The following ABCB6 variants were observed in gnomAD, a reference collection of about 807,000 sequenced individuals.
The protein encoded by ABCB6 is ATP-binding cassette sub-family B member 6.
In ABCB6, 87 loss-of-function variants were observed where a neutral mutation model predicts 99.4. That is an observed-to-expected ratio of 0.88 (90% confidence interval 0.74 to 1.05). ABCB6 has a LOEUF of 1.05. Ranked by LOEUF, ABCB6 falls within the 50% of genes least tolerant of loss-of-function variation. The pLI, the probability that ABCB6 is intolerant of heterozygous loss-of-function variation, is 0.00. For synonymous variants in ABCB6, 482 were observed against 447.5 expected, an observed-to-expected ratio of 1.08 and a Z score of -0.97; for missense variants, 1,050 against 1,097.9, an observed-to-expected ratio of 0.96 and a Z score of 0.62.
At chr2:219,214,039 ACACTCGACTAT>A (rs1000591910) in intron 8 of ABCB6, 71 bp downstream of exon 8, 1 of 1,612,170 alleles carries the variant, frequency 6.2e-7, no homozygotes, top group African/African-American at 1.3e-5. Flanking sequence ...TTCTACCCCA[ACACTCGACTAT>A]CACTCTTGGC....
rs1482973976 is a variant in ABCB6, at chr2:219,214,379, CCT to C, written c.1386+8_1386+9del. 3.1e-6 allele frequency: 5 copies of C among 1,610,014 alleles called. No individual in the cohort carries two copies. In the African/African-American group the frequency reaches 4.0e-5, roughly 13 times the overall value. On this transcript the variant is annotated splice_region_variant and intron_variant, in intron 7 of 18. Coordinates refer to ENST00000265316, the MANE Select transcript of ABCB6 (RefSeq NM_005689.4). The stretch of plus-strand genomic sequence containing the variant: ...ACGCCTCACACCACTGCCACCGGGC[CCT>C]CTGTTACCGTCTCGAAGTTTAGCAG...
Position 219,213,652 on chromosome 2 carries a change from C to G in ABCB6, c.1593G>C (p.Val531=), listed in dbSNP as rs1489043612. Residue 531 remains valine, a synonymous_variant, in exon 10 of 19, where the codon GTG becomes GTC. Coordinates refer to ENST00000265316, the MANE Select transcript of ABCB6 (RefSeq NM_005689.4). ...GCTGGATAATGTAGGTGCCAAAGAGCACATAGTCCCCAACCTGTGGCAATC... is the reference window on the plus strand; with the variant it reads ...GCTGGATAATGTAGGTGCCAAAGAGGACATAGTCCCCAACCTGTGGCAATC... ...TEQKLQVGDY[V]LFGTYIIQLY... is the part of the protein sequence containing the mutation. The G allele has an allele frequency of 1.9e-6, 3 of 1,614,180 alleles. No individual in the cohort carries two copies. In the Admixed American group the frequency reaches 5.0e-5, roughly 27 times the overall value.
chr2:219,213,731 C>T, intron 9 of ABCB6, 65 bp from the exon 10 acceptor site: 1 of 1,613,604 alleles, frequency 6.2e-7, no homozygotes, highest in African/African-American at 1.3e-5. Flanking sequence ...TTGTGTCACC[C>T]TGCCCACTTC....
At chr2:219,212,879 T>C (rs1268896345) in intron 13 of ABCB6, 129 bp downstream of exon 13, 2 of 1,068,816 alleles carry the variant, frequency 1.9e-6, no homozygotes, top group Admixed American at 4.0e-5. Context: ...CCATGGAGGC[T>C]GCACCATTCA....
rs1950677669 is a variant in ABCB6 at position 219,218,488 on chromosome 2, C to G, written c.186G>C (p.Leu62=). The change falls in exon 1 of 19, where the codon CTG becomes CTC. Residue 62 remains leucine (L), a synonymous_variant. Coordinates refer to ENST00000265316, the MANE Select transcript of ABCB6 (RefSeq NM_005689.4). ...AGATGCGAGGGCCGGCCCCCCAAGA[C>G]AGCGAATCAGCACCAGCGGGCCGCT... ...RRERPAGADS[L]SWGAGPRISP... The G allele has an allele frequency of 3.1e-6, 5 of 1,608,526 alleles. No homozygotes were observed. The highest frequency in any genetic ancestry group is 4.2e-6 in the Non-Finnish European group (5 of 1,178,056).
At position 219,216,808 on chromosome 2, in the gene ABCB6, T is replaced by TA. The variant is rs776875196; in HGVS notation, c.711dup (p.Thr238TyrfsTer50). 3.1e-6 allele frequency: 5 copies of TA among 1,612,850 alleles called. No individual in the cohort carries two copies. Among genetic ancestry groups the TA allele is most frequent in the Middle Eastern group, 1.7e-4 (1 of 6,060 alleles). ...AGCTTCCTGCCAAAATCTCGCCAGGTAGACTGTTGGGCTGCTGACCGAACC... is the reference window on the plus strand; with the variant it reads ...AGCTTCCTGCCAAAATCTCGCCAGGTAAGACTGTTGGGCTGCTGACCGAACC... On this transcript the variant is annotated frameshift_variant, in exon 3 of 19. Transcript: ENST00000265316. LOFTEE classifies it high-confidence loss of function. The surrounding 1 kb of genome is among the most constrained non-coding windows in gnomAD (Gnocchi z 4.2).
chr2:219,218,444 A>T lies in ABCB6; in HGVS notation c.230T>A (p.Leu77Gln), dbSNP rs752858714. ...GPRISPYVLQ[L>Q]LLATLQAALP... ...CGCCGCCTGAAGTGTGGCCAGAAGC[A>T]GCTGCAGCACGTAGGGAGAGATGCG... The change falls in exon 1 of 19, where the codon CTG becomes CAG. Residue 77 changes from leucine (L) to glutamine (Q), a missense_variant. Leu to Gln is a moderately radical substitution (Grantham distance 113, BLOSUM62 -2). Coordinates refer to ENST00000265316, the MANE Select transcript of ABCB6 (RefSeq NM_005689.4). 4.0e-5 allele frequency: 64 copies of T among 1,609,792 alleles called. No homozygotes were observed. The Admixed American group carries it at 1.1e-3, about 27-fold the overall frequency.
In ABCB6 at chr2:219,213,342, C is replaced by G. The variant is rs1433692486; in HGVS notation, c.1720-16G>C. ...GGTCCTTCACCTGGAAGGGCACCAC[C>G]CATGTGTGCTGAGGTTCTCAGCTTT... On this transcript the variant is annotated splice_polypyrimidine_tract_variant and intron_variant, in intron 11 of 18. Transcript: ENST00000265316. 1 of 1,613,982 alleles carries G rather than the reference C, an allele frequency of 6.2e-7. No individual in the cohort carries two copies. The highest frequency in any genetic ancestry group is 2.2e-5 in the East Asian group (1 of 44,884).
At position 219,213,302 on chromosome 2, in the gene ABCB6, G is replaced by A. The variant is rs1214473511; in HGVS notation, c.1744C>T (p.Pro582Ser). The A allele has an allele frequency of 1.2e-6, 2 of 1,614,100 alleles. No homozygotes were observed. Among genetic ancestry groups the A allele is most frequent in the Admixed American group, 1.7e-5 (1 of 60,026 alleles). ...ATACGGCCCTTCTGAAAGCGAAGGGGCCCTGCTCCAGGAAGGTCCTTCACC... is the reference window on the plus strand; with the variant it reads ...ATACGGCCCTTCTGAAAGCGAAGGGACCCTGCTCCAGGAAGGTCCTTCACC... ...TEVKDLPGAG[P>S]LRFQKGRIEF... The change falls in exon 12 of 19, where the codon CCC (proline) becomes TCC (serine). Residue 582 changes from proline to serine, a missense_variant. Coordinates refer to ENST00000265316, the MANE Select transcript of ABCB6 (RefSeq NM_005689.4).
Position 219,218,410 on chromosome 2 carries a change from C to G in ABCB6, c.264G>C (p.Leu88=), listed in dbSNP as rs897509803. Residue 88 remains leucine, a synonymous_variant, in exon 1 of 19, where the codon CTG becomes CTC. Transcript: ENST00000265316. The part of the protein sequence containing the change: ...LLATLQAALP[L]AGLAGRVGTA... ...TGCCCACCCGGCCAGCCAGGCCGGCCAGGGGCAGCGCCGCCTGAAGTGTGG... is the reference window on the plus strand; with the variant it reads ...TGCCCACCCGGCCAGCCAGGCCGGCGAGGGGCAGCGCCGCCTGAAGTGTGG... 10 of 1,611,494 alleles carry G rather than the reference C, an allele frequency of 6.2e-6. No homozygotes were observed. The highest frequency in any genetic ancestry group is 4.0e-5 in the African/African-American group (3 of 74,920).
intron 13 of ABCB6, among the ~76,000 whole-genome samples, 183 bp downstream of exon 13, chr2:219,212,825 G>A (rs1950594944): frequency 6.6e-6 from 1 of 152,146 alleles, no homozygotes; most frequent in Non-Finnish European, 1.5e-5. Context: ...GCCGGCCGAG[G>A]CCCACTGGCT....
intron 11 of ABCB6, 48 bp downstream of exon 11, chr2:219,213,391 C>T: frequency 6.2e-7 from 1 of 1,613,808 alleles, no homozygotes; most frequent in Non-Finnish European, 8.5e-7. Flanking sequence ...ACGAGAAACA[C>T]CACACAGCTC....
At chr2:219,212,880 G>T in intron 13 of ABCB6, 128 bp downstream of exon 13, 1 of 1,076,136 alleles carries the variant, frequency 9.3e-7, no homozygotes, top group Non-Finnish European at 1.4e-6. Context: ...CATGGAGGCT[G>T]CACCATTCAA....
chr2:219,218,786 G>C lies in ABCB6; in HGVS notation c.-113C>G. 1 of 1,210,750 alleles carries C rather than the reference G, an allele frequency of 8.3e-7. No individual in the cohort carries two copies. Among genetic ancestry groups the C allele is most frequent in the East Asian group, 2.8e-5 (1 of 36,344 alleles). The allele number at this position is 1,210,750 out of a possible 1,614,324, so 75.0% of individuals were successfully genotyped here. On this transcript the variant is annotated 5_prime_UTR_variant, in exon 1 of 19. Coordinates refer to ENST00000265316, the MANE Select transcript of ABCB6 (RefSeq NM_005689.4). ...GTGCCTTGGCTCACGTAGCCGCTGGGCGCCAAGCTGCGGGGGTCCCGGGAA... is the reference window on the plus strand; with the variant it reads ...GTGCCTTGGCTCACGTAGCCGCTGGCCGCCAAGCTGCGGGGGTCCCGGGAA...
At chr2:219,218,072 T>G in intron 1 of ABCB6, 53 bp downstream of exon 1, 1 of 1,544,016 alleles carries the variant, frequency 6.5e-7, no homozygotes, top group Non-Finnish European at 8.7e-7. Flanking sequence ...CATGCAGTGC[T>G]TTCTCCCAAG....
Position 219,216,268 on chromosome 2 carries a change from T to C in ABCB6, c.971-88A>G. The C allele has an allele frequency of 2.5e-6, 4 of 1,581,098 alleles. No individual in the cohort carries two copies. The highest frequency in any genetic ancestry group is 3.5e-6 in the Non-Finnish European group (4 of 1,158,046). On this transcript the variant is annotated intron_variant, in intron 4 of 18. Coordinates refer to ENST00000265316, the MANE Select transcript of ABCB6 (RefSeq NM_005689.4). This position sits in a 1 kb window ranked among gnomAD's most constrained non-coding sequence, Gnocchi z 4.2. ...AGGATGTGAAAGGTCTGAGAGTACATGGGGGCTGGGGAGGAATGCTGGGAG... is the reference window on the plus strand; with the variant it reads ...AGGATGTGAAAGGTCTGAGAGTACACGGGGGCTGGGGAGGAATGCTGGGAG...
intron 16 of ABCB6, 29 bp from the exon 17 acceptor site, chr2:219,210,504 C>A (rs755488114): frequency 6.2e-7 from 1 of 1,610,050 alleles, no homozygotes; most frequent in Non-Finnish European, 8.5e-7. Context: ...TAAAACTGCT[C>A]CTGCCACTCA....
chr2:219,210,356 C>T, intron 17 of ABCB6, 25 bp downstream of exon 17: 1 of 1,614,184 alleles, frequency 6.2e-7, no homozygotes, highest in Middle Eastern at 1.6e-4. Context: ...ACATCACCAG[C>T]CGCCCCAGGC....
Position 219,209,846 on chromosome 2 carries a change from A to G in ABCB6, c.*92T>C, listed in dbSNP as rs750635453. 1 of 996,672 alleles carries G rather than the reference A, an allele frequency of 1.0e-6. No homozygotes were observed. Among genetic ancestry groups the G allele is most frequent in the Non-Finnish European group, 1.6e-6 (1 of 624,296 alleles). The allele number at this position is 996,672 out of a possible 1,614,324, so 61.7% of individuals were successfully genotyped here. On this transcript the variant is annotated 3_prime_UTR_variant, in exon 19 of 19. Coordinates refer to ENST00000265316, the MANE Select transcript of ABCB6 (RefSeq NM_005689.4). Reference sequence around the variant, plus strand: ...TTTCCCTTACCATAGCTAGCACCATACCCCAAGACCAGGATGAAATAAGCC... The same window carrying G: ...TTTCCCTTACCATAGCTAGCACCATGCCCCAAGACCAGGATGAAATAAGCC...
Sources: allele counts gnomAD v4.1 joint callset (sites outside exome capture counted in the v4.1 genomes callset), GRCh38; gene constraint gnomAD v4.1.1; non-coding constraint Gnocchi (gnomAD v3.1); transcripts MANE v1.5; gene names NCBI Gene and HGNC (gene_info 2026-07-23, HGNC 2026-07-21).